RTL9: variants seen among roughly 807,000 people sequenced by gnomAD.
The protein encoded by RTL9 is retrotransposon Gag-like protein 9.
RTL9 carries 19 observed loss-of-function variants against 44.7 expected under a neutral mutation model. The observed-to-expected ratio is 0.42, with a 90% CI of 0.30 to 0.62. The LOEUF (loss-of-function observed/expected upper bound fraction) is 0.62, where lower values mean the gene tolerates loss of function less well. Among genes scored for constraint, RTL9 ranks in the 20% least tolerant of loss-of-function variants. RTL9 has a pLI of 0.16. For missense variants in RTL9, 1,105 were observed against 1,080.6 expected, an observed-to-expected ratio of 1.02 and a Z score of -0.32; for synonymous variants, 407 against 398.9, an observed-to-expected ratio of 1.02 and a Z score of -0.24.
At chrX:110,404,285 T>G (rs2068583637) in intron 1 of RTL9, among the ~76,000 whole-genome samples, 1 of 111,780 alleles carries the variant, frequency 8.9e-6, no homozygotes, top group Non-Finnish European at 1.9e-5. Context: ...ATTGCTGTCT[T>G]CTGAAGTCTT....
chrX:110,434,708 G>A (rs945017259), intron 1 of RTL9, among the ~76,000 whole-genome samples: 4 of 111,201 alleles, frequency 3.6e-5, no homozygotes, highest in African/African-American at 6.6e-5. Context: ...GCTGGATAGC[G>A]GACATGTCCA....
At chrX:110,429,569 G>A (rs1056552672) in intron 1 of RTL9, among the ~76,000 whole-genome samples, 12 of 105,536 alleles carry the variant, frequency 1.1e-4, no homozygotes, top group East Asian at 6.1e-4. Flanking sequence ...TGCAACCTCC[G>A]CCTCCTGGGT....
intron 1 of RTL9, among the ~76,000 whole-genome samples, chrX:110,442,245 C>CTGTG (rs778332389): frequency 1.1e-3 from 113 of 100,815 alleles, no homozygotes; most frequent in Non-Finnish European, 1.8e-3. Flanking sequence ...CTCTCTCTCT[C>CTGTG]TCTGTGTGTG....
At chrX:110,451,558 C>G in exon 1 of RTL9, 1 of 1,211,639 alleles carries the variant, frequency 8.3e-7, no homozygotes, top group Non-Finnish European at 1.1e-6. Context: ...TTAATGTCAT[C>G]TCCAGGCTCT....
chrX:110,366,998 T>C (rs1045745013), intron 1 of RTL9, among the ~76,000 whole-genome samples: 1 of 111,931 alleles, frequency 8.9e-6, no homozygotes, highest in African/African-American at 3.3e-5. Flanking sequence ...ATAGAAGTTG[T>C]CAGAAAAGAA....
chrX:110,366,539 A>G (rs1363682992), intron 1 of RTL9, among the ~76,000 whole-genome samples: 6 of 111,584 alleles, frequency 5.4e-5, no homozygotes, highest in Non-Finnish European at 1.1e-4. Context: ...TAAGAGAACA[A>G]TTACGTGCTA....
intron 1 of RTL9, among the ~76,000 whole-genome samples, chrX:110,362,658 A>G (rs191599330): frequency 8.9e-6 from 1 of 112,129 alleles, no homozygotes; most frequent in African/African-American, 3.2e-5. Flanking sequence ...ATCACATGGT[A>G]GGAAATATGA....
intron 1 of RTL9, among the ~76,000 whole-genome samples, chrX:110,434,275 GT>G (rs1158062654): frequency 8.9e-6 from 1 of 111,809 alleles, no homozygotes; most frequent in Non-Finnish European, 1.9e-5. Flanking sequence ...CAAGCTGAAG[GT>G]TTTGTTCTGT....
chrX:110,428,123 G>A (rs901025158), intron 1 of RTL9, among the ~76,000 whole-genome samples: 1 of 112,236 alleles, frequency 8.9e-6, no homozygotes, highest in African/African-American at 3.2e-5. Flanking sequence ...CACAGTAGAT[G>A]TTCCATGATT....
chrX:110,413,781 A>C (rs993470903), intron 1 of RTL9, among the ~76,000 whole-genome samples: 10 of 110,922 alleles, frequency 9.0e-5, no homozygotes, highest in African/African-American at 3.3e-4. Context: ...CCATCCCATC[A>C]GCCCCTTTCA....
intron 1 of RTL9, among the ~76,000 whole-genome samples, chrX:110,381,770 G>A (rs777587269): frequency 6.3e-4 from 70 of 110,675 alleles, no homozygotes; most frequent in Non-Finnish European, 1.1e-3. Flanking sequence ...TCCTTTATGG[G>A]AACATGGATG....
At position 110,438,264 on chromosome X, in the gene RTL9, A is replaced by G. The variant is rs1202417957; in HGVS notation, c.-167-6889A>G. On this transcript the variant is annotated intron_variant, in intron 1 of 3. Transcript: ENST00000465301. ...CATTTTAACTGATGCCAAAGCCCTGAGTCAAAAGAATTATATACTTAAAAA... is the reference window on the plus strand; with the variant it reads ...CATTTTAACTGATGCCAAAGCCCTGGGTCAAAAGAATTATATACTTAAAAA... Among the ~76,000 whole-genome samples the G allele has an allele frequency of 2.7e-5, 3 of 111,679 alleles. No individual in the cohort carries two copies. In the East Asian group the frequency reaches 8.4e-4, roughly 31 times the overall value.
chrX:110,441,142 G>A lies in RTL9; in HGVS notation c.-167-4011G>A, dbSNP rs142651706. On this transcript the variant is annotated intron_variant, in intron 1 of 3. Transcript: ENST00000465301. ...CCTGTCTTTTGCTGTATGAATTTGG[G>A]CAAGTCACTTCTCTTCTCTGGACCT... Among the ~76,000 whole-genome samples, 844 of 111,915 alleles carry A rather than the reference G, an allele frequency of 7.5e-3. 6 individuals carry two copies. The highest frequency in any genetic ancestry group is 0.026 in the African/African-American group (810 of 30,756).
At chrX:110,367,308 T>G (rs1034698416) in intron 1 of RTL9, among the ~76,000 whole-genome samples, 1 of 111,976 alleles carries the variant, frequency 8.9e-6, no homozygotes, top group African/African-American at 3.2e-5. Context: ...TGCTCATTCG[T>G]TCCAATTTCT....
exon 1 of RTL9, chrX:110,453,490 C>G (rs1310487871): frequency 8.3e-7 from 1 of 1,210,459 alleles, no homozygotes; most frequent in Non-Finnish European, 1.1e-6. Context: ...AGAGCCCCGG[C>G]CTCTGGAACA....
chrX:110,397,185 G>C (rs1373805051), intron 1 of RTL9, among the ~76,000 whole-genome samples: 1 of 110,934 alleles, frequency 9.0e-6, no homozygotes, highest in Non-Finnish European at 1.9e-5. Flanking sequence ...TTAGATGCTT[G>C]GCTCTCCTGA....
intron 1 of RTL9, among the ~76,000 whole-genome samples, chrX:110,406,131 A>G (rs2068599720): frequency 9.2e-6 from 1 of 108,631 alleles, no homozygotes; most frequent in Non-Finnish European, 1.9e-5. Context: ...TTTTTTCTTC[A>G]AGTTCTGTGT....
intron 1 of RTL9, among the ~76,000 whole-genome samples, chrX:110,429,458 G>GTTTTT: frequency 1.2e-5 from 1 of 80,905 alleles, no homozygotes; most frequent in Admixed American, 1.3e-4. Flanking sequence ...GAGAAAAAGT[G>GTTTTT]TTTTTTTTTT....
At chrX:110,453,511 C>CTTT in exon 1 of RTL9, 1 of 1,212,128 alleles carries the variant, frequency 8.2e-7, no homozygotes, top group Non-Finnish European at 1.1e-6. Flanking sequence ...ATGCCCATGC[C>CTTT]TTTAATGTCA....
Sources: allele counts gnomAD v4.1 joint callset (sites outside exome capture counted in the v4.1 genomes callset), GRCh38; gene constraint gnomAD v4.1.1; transcripts MANE v1.5; gene names NCBI Gene and HGNC (gene_info 2026-07-23, HGNC 2026-07-21).